The following RBFOX3 variants were observed in gnomAD, a reference collection of about 807,000 sequenced individuals.
The protein encoded by RBFOX3 is RNA binding fox-1 homolog 3, also known as RNA binding protein fox-1 homolog 3.
In RBFOX3, 17 loss-of-function variants were observed where a neutral mutation model predicts 48.7. The observed-to-expected ratio is 0.35, with a 90% confidence interval of 0.24 to 0.52. RBFOX3 has a LOEUF of 0.52. Among genes scored for constraint, RBFOX3 ranks in the 20% least tolerant of loss-of-function variants. The pLI, the probability that RBFOX3 is intolerant of heterozygous loss-of-function variation, is 0.94. For synonymous variants in RBFOX3, 212 were observed against 209.5 expected (o/e 1.01, Z -0.10); for missense variants, 382 against 497.5 (o/e 0.77, Z 2.21).
intron 3 of RBFOX3, among the ~76,000 whole-genome samples, chr17:79,236,563 G>A (rs1012659211): frequency 3.9e-5 from 6 of 152,162 alleles, no homozygotes; most frequent in Non-Finnish European, 8.8e-5. Flanking sequence ...TTCATTTTAT[G>A]TTATTAAAGA....
At chr17:79,509,350 C>G (rs1253161274) in intron 1 of RBFOX3, among the ~76,000 whole-genome samples, 2 of 152,112 alleles carry the variant, frequency 1.3e-5, no homozygotes, top group South Asian at 2.1e-4. Flanking sequence ...CCCTGGTCCT[C>G]CCCACACCCC....
intron 1 of RBFOX3, among the ~76,000 whole-genome samples, chr17:79,542,983 A>C (rs1555790802): frequency 6.6e-6 from 1 of 152,130 alleles, no homozygotes; most frequent in East Asian, 1.9e-4. Context: ...TCAACTGCCC[A>C]GCTCTCTCCC....
chr17:79,510,655 T>G (rs1174276457), intron 1 of RBFOX3, among the ~76,000 whole-genome samples: 1 of 152,162 alleles, frequency 6.6e-6, no homozygotes, highest in African/African-American at 2.4e-5. Flanking sequence ...ATGCCTGCGC[T>G]CACCTCAGAA....
Position 79,482,628 on chromosome 17 carries a change from T to A in RBFOX3, c.-319-30A>T, listed in dbSNP as rs2078925567. ...AGGGGGAAAAAAGCAAGTAAAAAAA[T>A]TGCCTTTGAAGAAAACATCTTCCTT... is the stretch of plus-strand genomic sequence containing the variant. On this transcript the variant is annotated intron_variant, in intron 1 of 14. Transcript: ENST00000693108. The surrounding 1 kb of genome is among the most constrained non-coding windows in gnomAD (Gnocchi z 4.1). 6.6e-6 allele frequency: 1 copy of A among 151,942 alleles called. No individual in the cohort carries two copies. Among genetic ancestry groups the A allele is most frequent in the African/African-American group, 2.4e-5 (1 of 41,332 alleles). 9.4% of individuals were successfully genotyped at this position (151,942 alleles called of 1,614,324 possible).
rs2078473865 is a variant in RBFOX3 at position 79,479,550 on chromosome 17, C to T, written c.-175+2904G>A. 6.6e-6 allele frequency among the ~76,000 whole-genome samples: 1 copy of T among 152,344 alleles called. No individual in the cohort carries two copies. The highest frequency in any genetic ancestry group is 2.1e-4 in the South Asian group (1 of 4,824). The stretch of plus-strand genomic sequence containing the variant: ...ATTCCTCACTTCACAATTCAGAGCA[C>T]ACCTTTGGAATCAACAAGGGGCTGG... On this transcript the variant is annotated intron_variant, in intron 2 of 14. Transcript: ENST00000693108. The surrounding 1 kb of genome is among the most constrained non-coding windows in gnomAD (Gnocchi z 5.1).
At chr17:79,467,124 C>T (rs1324057176) in intron 2 of RBFOX3, among the ~76,000 whole-genome samples, 1 of 152,122 alleles carries the variant, frequency 6.6e-6, no homozygotes, top group African/African-American at 2.4e-5. Context: ...ACTGCGGTGG[C>T]ATCACCTGCC....
rs1246419752 is a variant in RBFOX3 at position 79,389,100 on chromosome 17, G to C, written c.-174-81276C>G. The stretch of plus-strand genomic sequence containing the variant: ...GACGGAGGGACGAAGCGGTGGGCGC[G>C]GGGGGGCGGTGTGGCAAGCACCGCG... On this transcript the variant is annotated intron_variant, in intron 2 of 14. Transcript: ENST00000693108. Among the ~76,000 whole-genome samples the C allele has an allele frequency of 2.5e-5, 3 of 119,372 alleles. No individual in the cohort carries two copies. The East Asian group carries it at 5.8e-4, about 23-fold the overall frequency. 78.3% of individuals were successfully genotyped at this position (119,372 alleles called of 152,430 possible). A position where few individuals can be genotyped will look rare whatever the true frequency, so the allele number is the denominator to read the frequency against.
At position 79,524,709 on chromosome 17, in the gene RBFOX3, C is replaced by T. The variant is rs1007349240; in HGVS notation, c.-319-42111G>A. The stretch of plus-strand genomic sequence containing the variant: ...CCGGGCTGGGAGCGTGGAGCAGACA[C>T]GGGCACTGCATCTTCCAGCACATGG... On this transcript the variant is annotated intron_variant, in intron 1 of 14. Transcript: ENST00000693108. 1.2e-4 allele frequency among the ~76,000 whole-genome samples: 18 copies of T among 152,322 alleles called. No individual in the cohort carries two copies. The East Asian group carries it at 3.1e-3, about 26-fold the overall frequency.
At chr17:79,467,269 T>C (rs1224094829) in intron 2 of RBFOX3, among the ~76,000 whole-genome samples, 1 of 152,050 alleles carries the variant, frequency 6.6e-6, no homozygotes, top group East Asian at 1.9e-4. Flanking sequence ...GAGAGGCTGA[T>C]GTGTGGCTTA....
chr17:79,512,603 T>A (rs1182954931), intron 1 of RBFOX3, among the ~76,000 whole-genome samples: 1 of 148,826 alleles, frequency 6.7e-6, no homozygotes, highest in East Asian at 2.1e-4. Context: ...TACAGCCCCA[T>A]GGCCAGGGGA....
chr17:79,656,680 G>GAGAAGAAAGAAAA, the RBFOX3 span, among the ~76,000 whole-genome samples: 1 of 47,310 alleles, frequency 2.1e-5, no homozygotes, highest in Non-Finnish European at 6.1e-5. Flanking sequence ...AAAGAAGGAA[G>GAGAAGAAAGAAAA]GAGGGAAGGA....
At chr17:79,408,473 C>T (rs558652646) in intron 2 of RBFOX3, among the ~76,000 whole-genome samples, 83 of 152,322 alleles carry the variant, frequency 5.4e-4, no homozygotes, top group African/African-American at 1.3e-3. Flanking sequence ...CTGTGGCTCA[C>T]GGCCATCCCA....
At chr17:79,102,841 A>G (rs1004231273) in intron 8 of RBFOX3, among the ~76,000 whole-genome samples, 2 of 152,146 alleles carry the variant, frequency 1.3e-5, no homozygotes, top group African/African-American at 4.8e-5. Context: ...TGGGCTGGCC[A>G]TGGTCCTTGA....
intron 2 of RBFOX3, among the ~76,000 whole-genome samples, chr17:79,428,756 T>G (rs1295742934): frequency 6.6e-6 from 1 of 152,118 alleles, no homozygotes; most frequent in Non-Finnish European, 1.5e-5. Flanking sequence ...GGACTGAGGG[T>G]AGGTGACACT....
the RBFOX3 span, among the ~76,000 whole-genome samples, chr17:79,659,142 G>C: frequency 6.6e-6 from 1 of 152,102 alleles, no homozygotes; most frequent in African/African-American, 2.4e-5. Context: ...GGACCACGCG[G>C]GGGCCCGTGA....
At chr17:79,174,411 C>T (rs565227922) in intron 4 of RBFOX3, among the ~76,000 whole-genome samples, 9 of 151,962 alleles carry the variant, frequency 5.9e-5, no homozygotes, top group African/African-American at 1.4e-4. Context: ...CACTCAGACA[C>T]GCACACATGC....
chr17:79,095,379 C>T, intron 13 of RBFOX3, 134 bp downstream of exon 13: 1 of 725,174 alleles, frequency 1.4e-6, no homozygotes, highest in Non-Finnish European at 2.3e-6. Context: ...GACCTGCTCC[C>T]CTGTCCCGAC....
At chr17:79,348,500 G>T (rs2083283160) in intron 2 of RBFOX3, among the ~76,000 whole-genome samples, 1 of 151,810 alleles carries the variant, frequency 6.6e-6, no homozygotes, top group South Asian at 2.1e-4. Flanking sequence ...TTCCCCTAGG[G>T]GTGAGTTTGG....
rs2078768694 is a variant in RBFOX3, at chr17:79,481,459, G to T, written c.-175+995C>A. On this transcript the variant is annotated intron_variant, in intron 2 of 14. Transcript: ENST00000693108. The surrounding 1 kb of genome is among the most constrained non-coding windows in gnomAD (Gnocchi z 5.4). ...TTTCCAAGGGATAGGAGTGTCTTCT[G>T]TTATTCATAAAAAGCCACTCCTGAC... Among the ~76,000 whole-genome samples the T allele has an allele frequency of 6.6e-6, 1 of 152,120 alleles. No homozygotes were observed. Among genetic ancestry groups the T allele is most frequent in the African/African-American group, 2.4e-5 (1 of 41,414 alleles).
Sources: gnomAD v4.1 joint callset for allele counts (sites outside exome capture counted in the v4.1 genomes callset) on GRCh38, gnomAD v4.1.1 for gene constraint, Gnocchi (gnomAD v3.1) non-coding constraint, MANE v1.5 for transcripts, NCBI Gene and HGNC (gene_info 2026-07-23, HGNC 2026-07-21) for gene names.